The following HDAC9 variants were observed in gnomAD, a reference collection of about 807,000 sequenced individuals.
HDAC9 encodes MEF-2 interacting transcription repressor (MITR) protein.
HDAC9 carries 41 observed loss-of-function variants against 139.4 expected under a neutral mutation model. The observed-to-expected ratio is 0.29, with a 90% CI of 0.23 to 0.38. HDAC9 has a LOEUF of 0.38. HDAC9 is among the 10% of genes least tolerant of loss of function. The pLI is 1.00. For missense variants in HDAC9, 1,147 were observed against 1,297.0 expected (o/e 0.88, Z 1.78); for synonymous variants, 517 against 476.2 (o/e 1.09, Z -1.12).
Position 18,510,229 on chromosome 7 carries a change from G to T in HDAC9, c.22+13905G>T, listed in dbSNP as rs1352964638. Among the ~76,000 whole-genome samples, 4 of 152,108 alleles carry T rather than the reference G, an allele frequency of 2.6e-5. No individual in the cohort carries two copies. In the East Asian group the frequency reaches 7.7e-4, roughly 29 times the overall value. ...AAATGCTTCAGTTATTCTTAACGAA[G>T]GGAATTTGGGAATATTCTTATTTGA... On this transcript the variant is annotated intron_variant, in intron 2 of 25. Coordinates refer to ENST00000686413, the MANE Select transcript of HDAC9 (RefSeq NM_178425.4).
intron 1 of HDAC9, among the ~76,000 whole-genome samples, chr7:18,378,200 G>A (rs926248134): frequency 5.9e-5 from 9 of 152,022 alleles, no homozygotes; most frequent in Non-Finnish European, 7.4e-5. Flanking sequence ...TAAGAGATTC[G>A]AGTAATCAGC....
At chr7:18,760,910 G>T (rs1789327446) in intron 14 of HDAC9, among the ~76,000 whole-genome samples, 1 of 152,190 alleles carries the variant, frequency 6.6e-6, no homozygotes, top group African/African-American at 2.4e-5. Context: ...CCTTAAACTA[G>T]GGAGGCTGAA....
At chr7:18,839,646 C>T (rs1796461977) in intron 21 of HDAC9, among the ~76,000 whole-genome samples, 1 of 152,068 alleles carries the variant, frequency 6.6e-6, no homozygotes, top group African/African-American at 2.4e-5. Context: ...ACTACCTTGG[C>T]TTCTTAAAAA....
chr7:18,716,611 G>A (rs1352990174), intron 12 of HDAC9, among the ~76,000 whole-genome samples: 1 of 149,752 alleles, frequency 6.7e-6, no homozygotes, highest in African/African-American at 2.6e-5. Context: ...GAACCTTTAT[G>A]TCTGAGGATA....
chr7:18,331,637 A>T (rs985337350), intron 1 of HDAC9, among the ~76,000 whole-genome samples: 206 of 151,604 alleles, frequency 1.4e-3, no homozygotes, highest in Non-Finnish European at 2.2e-3. Flanking sequence ...AAAAAATTTT[A>T]AAAAAAGAAG....
chr7:18,585,293 C>T lies in HDAC9; in HGVS notation c.35C>T (p.Ser12Leu). Residue 12 changes from serine (S) to leucine (L), a missense_variant, in exon 3 of 26, where the codon TCA (serine) becomes TTA (leucine). Ser to Leu is a moderately radical substitution (Grantham distance 145). Coordinates refer to ENST00000686413, the MANE Select transcript of HDAC9 (RefSeq NM_178425.4). ...HSMISSVDVK[S>L]EVPVGLEPIS... ...TCTGGTTCTTTAGTGGATGTGAAGT[C>T]AGAAGTTCCTGTGGGCCTGGAGCCC... The T allele has an allele frequency of 6.2e-7, 1 of 1,607,266 alleles. No individual in the cohort carries two copies. The highest frequency in any genetic ancestry group is 8.5e-7 in the Non-Finnish European group (1 of 1,175,942).
At chr7:18,515,731 A>G (rs965835144) in intron 2 of HDAC9, among the ~76,000 whole-genome samples, 1 of 152,254 alleles carries the variant, frequency 6.6e-6, no homozygotes, top group Admixed American at 6.5e-5. Context: ...GAGTTTCAAC[A>G]TAAGCAAACC....
At chr7:18,395,999 G>A (rs1165624348) in intron 1 of HDAC9, among the ~76,000 whole-genome samples, 2 of 151,678 alleles carry the variant, frequency 1.3e-5, no homozygotes, top group Non-Finnish European at 2.9e-5. Context: ...TATTCTATTA[G>A]GAAGGATGTA....
At chr7:18,829,589 GA>G (rs773745077) in intron 19 of HDAC9, 41 bp downstream of exon 19, 1 of 1,241,826 alleles carries the variant, frequency 8.1e-7, no homozygotes, top group Admixed American at 1.8e-5. Context: ...AGTGATTCTA[GA>G]TAAAGGGGAG....
intron 22 of HDAC9, among the ~76,000 whole-genome samples, chr7:18,918,917 G>A (rs1018457971): frequency 6.6e-6 from 1 of 151,988 alleles, no homozygotes. Flanking sequence ...TAGTTCTCTG[G>A]TTGGTTCAAT....
At chr7:18,413,696 A>G (rs1394963637) in intron 1 of HDAC9, among the ~76,000 whole-genome samples, 1 of 152,152 alleles carries the variant, frequency 6.6e-6, no homozygotes, top group African/African-American at 2.4e-5. Flanking sequence ...AATAGATAAT[A>G]AAAGGGTATA....
intron 6 of HDAC9, among the ~76,000 whole-genome samples, chr7:18,597,623 T>G (rs1412386944): frequency 6.6e-6 from 1 of 152,172 alleles, no homozygotes; most frequent in East Asian, 1.9e-4. Flanking sequence ...TCAAAACCAT[T>G]TGATTGGATT....
At position 18,159,957 on chromosome 7, in the gene HDAC9, G is replaced by C. The variant is rs1787508861; in HGVS notation, c.-96-2272G>C. On this transcript the variant is annotated intron_variant, in intron 1 of 12. Coordinates refer to the HDAC9 transcript ENST00000417496. The stretch of plus-strand genomic sequence containing the variant: ...CATCCCAGATTTACTCTGCAACTCA[G>C]GTTTGGAGCTGTGAAGTCAAAACCC... Among the ~76,000 whole-genome samples the C allele has an allele frequency of 4.6e-5, 7 of 152,224 alleles. No individual in the cohort carries two copies. The South Asian group carries it at 1.5e-3, about 32-fold the overall frequency.
At chr7:18,925,016 G>T (rs1321744808) in intron 22 of HDAC9, among the ~76,000 whole-genome samples, 1 of 152,060 alleles carries the variant, frequency 6.6e-6, no homozygotes, top group Non-Finnish European at 1.5e-5. Context: ...TTTTTTGAAG[G>T]GGTGATATAT....
intron 1 of HDAC9, among the ~76,000 whole-genome samples, chr7:18,430,960 C>A (rs544298748): frequency 2.6e-5 from 4 of 152,092 alleles, no homozygotes; most frequent in Non-Finnish European, 5.9e-5. Context: ...CTATTCTGTT[C>A]CAGACTAATC....
intron 14 of HDAC9, among the ~76,000 whole-genome samples, chr7:18,749,755 G>C (rs1200986415): frequency 6.6e-6 from 1 of 152,032 alleles, no homozygotes; most frequent in African/African-American, 2.4e-5. Context: ...AATTCAGAAA[G>C]GCTCCCATCA....
rs113247816 is a variant in HDAC9 at position 18,526,044 on chromosome 7, T to C, written c.22+29720T>C. Among the ~76,000 whole-genome samples, 1,092 of 152,270 alleles carry C rather than the reference T, an allele frequency of 7.2e-3. 12 individuals carry two copies. Among genetic ancestry groups the C allele is most frequent in the African/African-American group, 0.025 (1,031 of 41,556 alleles). ...CTGCACCAGATGAAAGTCACTGTTTTAGGTACTTTTTAGGGGTACATAAAT... is the reference window on the plus strand; with the variant it reads ...CTGCACCAGATGAAAGTCACTGTTTCAGGTACTTTTTAGGGGTACATAAAT... On this transcript the variant is annotated intron_variant, in intron 2 of 25. Transcript: ENST00000686413.
chr7:18,969,039 A>G (rs1050239971), intron 24 of HDAC9, among the ~76,000 whole-genome samples: 1 of 149,508 alleles, frequency 6.7e-6, no homozygotes, highest in Non-Finnish European at 1.5e-5. Flanking sequence ...TGTGAGGCAA[A>G]ATATTGGAGA....
At chr7:18,916,989 T>C (rs996451695) in intron 22 of HDAC9, among the ~76,000 whole-genome samples, 2 of 151,806 alleles carry the variant, frequency 1.3e-5, no homozygotes, top group African/African-American at 4.8e-5. Context: ...TGGGGAAGAG[T>C]CCACATTTTA....
Sources: allele counts gnomAD v4.1 joint callset (sites outside exome capture counted in the v4.1 genomes callset), GRCh38; gene constraint gnomAD v4.1.1; transcripts MANE v1.5; gene names NCBI Gene and HGNC (gene_info 2026-07-23, HGNC 2026-07-21).